FHIP1A: variants seen among roughly 807,000 people sequenced by gnomAD.
FHIP1A encodes the protein FHF complex subunit HOOK interacting protein 1A.
A neutral mutation model predicts 88.6 loss-of-function variants in FHIP1A; 61 were observed. The ratio of observed to expected loss-of-function variants is 0.69; its 90% CI spans 0.56 to 0.85. FHIP1A has a LOEUF of 0.85. Ranked by LOEUF, FHIP1A falls within the 40% of genes least tolerant of loss-of-function variation. The pLI is 0.00. For missense variants in FHIP1A, 1,154 were observed against 1,273.5 expected (o/e 0.91, Z 1.43); for synonymous variants, 478 against 496.0 (o/e 0.96, Z 0.48).
chr4:151,524,495 A>G (rs1315059036), intron 3 of FHIP1A, among the ~76,000 whole-genome samples: 1 of 151,922 alleles, frequency 6.6e-6, no homozygotes, highest in Non-Finnish European at 1.5e-5. Flanking sequence ...AAGTGTCTAG[A>G]CTCCAAGATT....
chr4:151,536,063 G>A (rs921994684), intron 3 of FHIP1A, among the ~76,000 whole-genome samples: 13 of 151,892 alleles, frequency 8.6e-5, no homozygotes, highest in African/African-American at 2.4e-4. Flanking sequence ...TTATATTCCC[G>A]GTGAAAGAAT....
At chr4:151,641,541 A>AT (rs1019530151) in intron 9 of FHIP1A, among the ~76,000 whole-genome samples, 51 of 151,776 alleles carry the variant, frequency 3.4e-4, no homozygotes, top group Non-Finnish European at 4.3e-4. Flanking sequence ...TTTTTTTGCA[A>AT]TTTTTTTTTC....
chr4:151,556,501 G>A (rs1732951705), intron 3 of FHIP1A, among the ~76,000 whole-genome samples: 1 of 152,074 alleles, frequency 6.6e-6, no homozygotes, highest in Non-Finnish European at 1.5e-5. Flanking sequence ...CTCTTGGATG[G>A]CTTACCTGTA....
intron 3 of FHIP1A, among the ~76,000 whole-genome samples, chr4:151,564,682 G>A (rs6839802): frequency 0.32 from 48,547 of 152,090 alleles, 7,782 homozygotes; most frequent in Non-Finnish European, 0.33. Context: ...AAATACAGCT[G>A]TAGAAGAAAC....
intron 3 of FHIP1A, among the ~76,000 whole-genome samples, chr4:151,535,950 G>T (rs761765244): frequency 5.3e-5 from 8 of 152,118 alleles, no homozygotes; most frequent in African/African-American, 1.9e-4. Context: ...CAATTTGTTC[G>T]TTACAGTTAA....
In FHIP1A at chr4:151,527,195, C is replaced by G. The variant is rs552927203; in HGVS notation, c.-122-38943C>G. Among the ~76,000 whole-genome samples the G allele has an allele frequency of 1.3e-3, 205 of 152,272 alleles. 1 individual carries two copies. The highest frequency in any genetic ancestry group is 2.3e-3 in the Non-Finnish European group (155 of 68,026). On this transcript the variant is annotated intron_variant, in intron 3 of 13. Coordinates refer to ENST00000435205, the MANE Select transcript of FHIP1A (RefSeq NM_001109977.3). Reference sequence around the variant, plus strand: ...GGCTGCTGGGAGGTGGAGGTTGTAGCGAGCCGAGATCACGCCACTGCACTC... The same window carrying G: ...GGCTGCTGGGAGGTGGAGGTTGTAGGGAGCCGAGATCACGCCACTGCACTC...
At chr4:151,660,285 G>A (rs1442837285) in intron 13 of FHIP1A, among the ~76,000 whole-genome samples, 2 of 152,216 alleles carry the variant, frequency 1.3e-5, no homozygotes, top group Non-Finnish European at 2.9e-5. Flanking sequence ...GCCTTCATTA[G>A]TGAAGACAGT....
chr4:151,545,542 T>G (rs562034904), intron 3 of FHIP1A, among the ~76,000 whole-genome samples: 24 of 151,884 alleles, frequency 1.6e-4, no homozygotes, highest in South Asian at 1.3e-3. Context: ...CACGCCCGGC[T>G]AATTTTTTGT....
rs1173097802 is a variant in FHIP1A at position 151,646,685 on chromosome 4, C to G, written c.1354C>G (p.Leu452Val). 6.4e-7 allele frequency: 1 copy of G among 1,551,524 alleles called. No individual in the cohort carries two copies. The highest frequency in any genetic ancestry group is 1.2e-5 in the South Asian group (1 of 84,046). The change falls in exon 10 of 14, where the codon CTG (leucine) becomes GTG (valine). Residue 452 changes from leucine to valine, a missense_variant. Coordinates refer to ENST00000435205, the MANE Select transcript of FHIP1A (RefSeq NM_001109977.3). Reference protein sequence around the residue: ...TPVCCSSGITLTLGNQERDYI... With the variant: ...TPVCCSSGITVTLGNQERDYI... ...TGTCTGCTGCTCCAGCGGGATCACT[C>G]TGACGCTGGGGAACCAAGAGAGGGA...
chr4:151,467,973 G>A (rs1450609156), intron 2 of FHIP1A, among the ~76,000 whole-genome samples: 2 of 138,920 alleles, frequency 1.4e-5, no homozygotes, highest in Non-Finnish European at 3.1e-5. Context: ...TTCTGCACAT[G>A]TATCCCGGAA....
At chr4:151,583,829 C>G (rs1734111588) in intron 5 of FHIP1A, among the ~76,000 whole-genome samples, 1 of 152,162 alleles carries the variant, frequency 6.6e-6, no homozygotes, top group South Asian at 2.1e-4. Flanking sequence ...TAAGAAGCAA[C>G]TCATTTGGGT....
chr4:151,468,060 G>A lies in FHIP1A; in HGVS notation c.-248+13252G>A, dbSNP rs112252281. Among the ~76,000 whole-genome samples, 86 of 151,402 alleles carry A rather than the reference G, an allele frequency of 5.7e-4. No homozygotes were observed. In the Middle Eastern group the frequency reaches 0.014, roughly 24 times the overall value. ...AGCACTTGGGGAGGCCGAGGAGGGC[G>A]GATCACGAGGTCAGGAGATTGAGAC... is the stretch of plus-strand genomic sequence containing the variant. On this transcript the variant is annotated intron_variant, in intron 2 of 13. Coordinates refer to ENST00000435205, the MANE Select transcript of FHIP1A (RefSeq NM_001109977.3).
intron 2 of FHIP1A, among the ~76,000 whole-genome samples, chr4:151,463,152 A>G (rs1031500587): frequency 2.6e-5 from 4 of 152,190 alleles, no homozygotes; most frequent in African/African-American, 7.2e-5. Context: ...ACACCCTGCC[A>G]TGGTACCTAG....
intron 7 of FHIP1A, among the ~76,000 whole-genome samples, chr4:151,597,042 A>G (rs146668820): frequency 0.013 from 1,947 of 152,186 alleles, 39 homozygotes; most frequent in African/African-American, 0.04. Flanking sequence ...TGTCAAACTC[A>G]TTCTCCGTCC....
intron 1 of FHIP1A, among the ~76,000 whole-genome samples, chr4:151,449,347 T>G (rs1728715126): frequency 6.6e-6 from 1 of 152,146 alleles, no homozygotes. Context: ...TGCTCAGAAT[T>G]AAGCAAGTTA....
At chr4:151,430,624 T>C (rs1733554520) in intron 1 of FHIP1A, among the ~76,000 whole-genome samples, 1 of 152,222 alleles carries the variant, frequency 6.6e-6, no homozygotes, top group Non-Finnish European at 1.5e-5. Context: ...AAATAACACA[T>C]ATATGTCTTT....
At chr4:151,410,692 A>G (rs1362128746) in intron 1 of FHIP1A, among the ~76,000 whole-genome samples, 1 of 152,204 alleles carries the variant, frequency 6.6e-6, no homozygotes, top group Non-Finnish European at 1.5e-5. Flanking sequence ...GCTGAAGTCC[A>G]CGTTTGGAGA....
intron 7 of FHIP1A, among the ~76,000 whole-genome samples, chr4:151,625,166 A>C (rs924592668): frequency 1.3e-5 from 2 of 152,138 alleles, no homozygotes; most frequent in East Asian, 3.9e-4. Context: ...CAGCCTTGTC[A>C]TTCTTTTCCC....
chr4:151,474,793 G>A (rs1408296291), intron 2 of FHIP1A, among the ~76,000 whole-genome samples: 1 of 152,172 alleles, frequency 6.6e-6, no homozygotes, highest in Admixed American at 6.5e-5. Context: ...ACAGCTTCAT[G>A]ATGCTTGCTG....
Sources: allele counts gnomAD v4.1 joint callset (sites outside exome capture counted in the v4.1 genomes callset), GRCh38; gene constraint gnomAD v4.1.1; transcripts MANE v1.5; gene names NCBI Gene and HGNC (gene_info 2026-07-23, HGNC 2026-07-21).